Variants in SMAD6 observed in about 807,000 individuals in gnomAD.
SMAD6 encodes the protein MAD homolog 6.
A neutral mutation model predicts 39.4 loss-of-function variants in SMAD6; 103 were observed. The ratio of observed to expected loss-of-function variants is 2.62; its 90% CI spans 2.23 to 3.08. SMAD6 has a LOEUF of 3.08. Among genes scored for constraint, SMAD6 ranks in the 30% most tolerant of loss-of-function variants. SMAD6 has a pLI of 0.00. For missense variants in SMAD6, 1,104 were observed against 742.9 expected, an observed-to-expected ratio of 1.49 and a Z score of -5.65; for synonymous variants, 445 against 353.3, an observed-to-expected ratio of 1.26 and a Z score of -2.91.
At chr15:66,746,265 G>A (rs537266286) in intron 3 of SMAD6, among the ~76,000 whole-genome samples, 2 of 152,354 alleles carry the variant, frequency 1.3e-5, no homozygotes, top group South Asian at 4.1e-4. Context: ...TGAAGCGGGA[G>A]TTTTCTGGCC....
chr15:66,716,573 G>A, intron 3 of SMAD6, 75 bp downstream of exon 3: 1 of 1,110,104 alleles, frequency 9.0e-7, no homozygotes, highest in Non-Finnish European at 1.4e-6. Context: ...GGGCTTGGTG[G>A]AAGACTTTTT....
rs1894589907 is a variant in SMAD6 at position 66,782,131 on chromosome 15, G to A, written c.*596G>A. On this transcript the variant is annotated 3_prime_UTR_variant, in exon 4 of 4. Transcript: ENST00000288840. ...AAAGACAGAACAAATTGAAAAGGGA[G>A]GAAAGTCACATTTACTCTTAAGTAA... 7.7e-6 allele frequency: 3 copies of A among 389,602 alleles called. No homozygotes were observed. The highest frequency in any genetic ancestry group is 4.5e-6 in the Non-Finnish European group (1 of 221,946). 24.1% of individuals were successfully genotyped at this position (389,602 alleles called of 1,614,324 possible).
intron 3 of SMAD6, among the ~76,000 whole-genome samples, chr15:66,768,966 T>G (rs1236659957): frequency 6.6e-6 from 1 of 152,000 alleles, no homozygotes; most frequent in African/African-American, 2.4e-5. Context: ...CAGCATAAAT[T>G]TGAGTGTCAC....
chr15:66,712,452 A>G (rs1268419862), intron 2 of SMAD6, among the ~76,000 whole-genome samples: 1 of 151,928 alleles, frequency 6.6e-6, no homozygotes, highest in East Asian at 1.9e-4. Context: ...GCCAAGGAGG[A>G]CAGATCACTT....
intron 3 of SMAD6, chr15:66,717,145 G>A: frequency 7.8e-7 from 1 of 1,287,752 alleles, no homozygotes; most frequent in Non-Finnish European, 1.0e-6. Context: ...TGAGAGGTTG[G>A]TGTTGGACTG....
At chr15:66,711,797 C>T in intron 2 of SMAD6, 73 bp downstream of exon 2, 4 of 1,270,042 alleles carry the variant, frequency 3.1e-6, no homozygotes, top group Non-Finnish European at 3.4e-6. Flanking sequence ...AGTGTCTGTC[C>T]AGCCTCAGGG....
chr15:66,776,692 G>A (rs1279527705), intron 3 of SMAD6, among the ~76,000 whole-genome samples: 1 of 152,202 alleles, frequency 6.6e-6, no homozygotes, highest in Non-Finnish European at 1.5e-5. Context: ...GGTCCCAACA[G>A]GCCAGTCTCA....
At chr15:66,756,211 G>C (rs970940267) in intron 3 of SMAD6, among the ~76,000 whole-genome samples, 1 of 152,026 alleles carries the variant, frequency 6.6e-6, no homozygotes, top group Non-Finnish European at 1.5e-5. Flanking sequence ...GGAGTGGGGG[G>C]TGCCTGGGAG....
At chr15:66,743,545 C>G (rs767323584) in intron 3 of SMAD6, among the ~76,000 whole-genome samples, 1 of 150,592 alleles carries the variant, frequency 6.6e-6, no homozygotes, top group Non-Finnish European at 1.5e-5. Context: ...GAGCTGGGCC[C>G]AAGCCCTACC....
At chr15:66,746,238 G>C (rs1049756642) in intron 3 of SMAD6, among the ~76,000 whole-genome samples, 5 of 152,228 alleles carry the variant, frequency 3.3e-5, no homozygotes, top group Admixed American at 1.3e-4. Flanking sequence ...GGTGACTCCT[G>C]TCCTATTAAT....
intron 3 of SMAD6, among the ~76,000 whole-genome samples, chr15:66,766,762 G>A (rs1215226373): frequency 6.6e-6 from 1 of 152,138 alleles, no homozygotes; most frequent in Non-Finnish European, 1.5e-5. Flanking sequence ...CTCCGGAGGG[G>A]GAAACAGTTC....
intron 1 of SMAD6, among the ~76,000 whole-genome samples, chr15:66,709,705 C>T (rs1372185325): frequency 1.3e-5 from 2 of 152,206 alleles, no homozygotes; most frequent in East Asian, 1.9e-4. Context: ...GGTCAGAGAC[C>T]TGGCTTTGGT....
intron 1 of SMAD6, among the ~76,000 whole-genome samples, chr15:66,710,305 GAC>G (rs1410865979): frequency 6.6e-6 from 1 of 152,200 alleles, no homozygotes; most frequent in Non-Finnish European, 1.5e-5. Flanking sequence ...CATGGAGTGA[GAC>G]ACAACGTAGA....
chr15:66,703,667 GCGCCCCGGGA>G lies in SMAD6; in HGVS notation c.414_423del (p.Arg139AlafsTer39). ...CTTTTCGGAGCGGGACGCCGCCGGC[GCGCCCCGGGA>G]CGCCAGCGACCCCCTGGCCGGGGCG... On this transcript the variant is annotated frameshift_variant, in exon 1 of 4. Coordinates refer to ENST00000288840, the MANE Select transcript of SMAD6 (RefSeq NM_005585.5). LOFTEE classifies it high-confidence loss of function. 8.1e-7 allele frequency: 1 copy of G among 1,231,242 alleles called. No homozygotes were observed. The allele number at this position is 1,231,242 out of a possible 1,614,324, so 76.3% of individuals were successfully genotyped here.
chr15:66,739,016 A>T (rs1893766215), intron 3 of SMAD6, among the ~76,000 whole-genome samples: 1 of 151,736 alleles, frequency 6.6e-6, no homozygotes, highest in South Asian at 2.1e-4. Flanking sequence ...TGACCAGTGA[A>T]TGTTTAGCAT....
intron 3 of SMAD6, among the ~76,000 whole-genome samples, chr15:66,732,092 C>T (rs944452712): frequency 2.6e-5 from 4 of 151,804 alleles, no homozygotes; most frequent in Non-Finnish European, 4.4e-5. Flanking sequence ...TGCAGGCATG[C>T]GCCACCACAC....
At chr15:66,708,594 AAG>A (rs1485881398) in intron 1 of SMAD6, 1 of 399,386 alleles carries the variant, frequency 2.5e-6, no homozygotes, top group Non-Finnish European at 5.4e-6. Flanking sequence ...ACCCATGAAA[AAG>A]AACGAAGTCC....
At chr15:66,777,055 A>G (rs1894478966) in intron 3 of SMAD6, among the ~76,000 whole-genome samples, 1 of 152,144 alleles carries the variant, frequency 6.6e-6, no homozygotes, top group Non-Finnish European at 1.5e-5. Flanking sequence ...ACAAAAACGA[A>G]GCAGTGGTCG....
At chr15:66,722,658 A>G (rs1347680525) in intron 3 of SMAD6, among the ~76,000 whole-genome samples, 1 of 152,200 alleles carries the variant, frequency 6.6e-6, no homozygotes, top group Non-Finnish European at 1.5e-5. Flanking sequence ...ATCCCTCGCC[A>G]TGTGTCTTTT....
Sources: gnomAD v4.1 joint callset for allele counts (sites outside exome capture counted in the v4.1 genomes callset) on GRCh38, gnomAD v4.1.1 for gene constraint, MANE v1.5 for transcripts, NCBI Gene and HGNC (gene_info 2026-07-23, HGNC 2026-07-21) for gene names.